Variants in CUX2 observed in about 807,000 individuals in gnomAD.
The protein encoded by CUX2 is cut like homeobox 2, also known as homeobox protein cut-like 2.
A neutral mutation model predicts 144.8 loss-of-function variants in CUX2; 40 were observed. The ratio of observed to expected loss-of-function variants is 0.28; its 90% confidence interval spans 0.21 to 0.36. The LOEUF is 0.36. Ranked by LOEUF, CUX2 falls within the 10% of genes least tolerant of loss-of-function variation. The pLI, the probability that CUX2 is intolerant of heterozygous loss-of-function variation, is 1.00. For synonymous variants in CUX2, 827 were observed against 875.6 expected (o/e 0.94, Z 0.98); for missense variants, 1,615 against 1,994.0 (o/e 0.81, Z 3.62).
chr12:111,217,804 C>A, intron 2 of CUX2, 86 bp from the exon 3 acceptor site: 1 of 1,393,134 alleles, frequency 7.2e-7, no homozygotes, highest in Non-Finnish European at 1.0e-6. Context: ...AAATGCTGAG[C>A]CAGGGACAGC....
At position 111,289,048 on chromosome 12, in the gene CUX2, G is replaced by T. The variant is rs1390302433; in HGVS notation, c.302-2370G>T. Among the ~76,000 whole-genome samples, 1 of 152,040 alleles carries T rather than the reference G, an allele frequency of 6.6e-6. No individual in the cohort carries two copies. Among genetic ancestry groups the T allele is most frequent in the East Asian group, 1.9e-4 (1 of 5,174 alleles). On this transcript the variant is annotated intron_variant, in intron 4 of 21. Transcript: ENST00000261726. This position sits in a 1 kb window ranked among gnomAD's most constrained non-coding sequence, Gnocchi z 4.1. The stretch of plus-strand genomic sequence containing the variant: ...TGAGTCAGGAACATAGCTTGAACAT[G>T]GGAGGCAGAGATTGCAATGAGCTGA...
At chr12:111,323,496 T>A (rs1293524192) in intron 18 of CUX2, among the ~76,000 whole-genome samples, 1 of 152,156 alleles carries the variant, frequency 6.6e-6, no homozygotes, top group African/African-American at 2.4e-5. Flanking sequence ...CATTAATATT[T>A]AAAAAGAGGC....
chr12:111,095,712 G>A (rs1872775358), intron 1 of CUX2, among the ~76,000 whole-genome samples: 1 of 152,188 alleles, frequency 6.6e-6, no homozygotes, highest in Admixed American at 6.5e-5. Context: ...CTCAGTGTGT[G>A]AGTTATAGCT....
chr12:111,063,345 C>G (rs563772593), intron 1 of CUX2, among the ~76,000 whole-genome samples: 16 of 152,356 alleles, frequency 1.1e-4, no homozygotes, highest in African/African-American at 3.6e-4. Context: ...CCCCTCCCCC[C>G]ACCACCCTGC....
chr12:111,097,482 C>T (rs576576585), intron 1 of CUX2, among the ~76,000 whole-genome samples: 3 of 152,272 alleles, frequency 2.0e-5, no homozygotes, highest in South Asian at 2.1e-4. Context: ...GCAACAAATA[C>T]GAGAGCTTAG....
chr12:111,335,495 C>G (rs1888312465), intron 19 of CUX2, among the ~76,000 whole-genome samples: 1 of 151,668 alleles, frequency 6.6e-6, no homozygotes, highest in South Asian at 2.1e-4. Context: ...CGAATCACCT[C>G]AGGTCAGGAG....
intron 1 of CUX2, among the ~76,000 whole-genome samples, chr12:111,136,841 A>G (rs1416793707): frequency 6.6e-6 from 1 of 152,230 alleles, no homozygotes; most frequent in Admixed American, 6.5e-5. Context: ...AAGTCAGTGC[A>G]GGAACTTACA....
At chr12:111,308,550 G>A in intron 14 of CUX2, 24 bp downstream of exon 14, 1 of 1,586,194 alleles carries the variant, frequency 6.3e-7, no homozygotes, top group East Asian at 2.3e-5. Context: ...ATACTCTGGG[G>A]CTGAGGGCTG....
chr12:111,046,761 A>G (rs1259806514), intron 1 of CUX2, among the ~76,000 whole-genome samples: 1 of 152,134 alleles, frequency 6.6e-6, no homozygotes, highest in African/African-American at 2.4e-5. Flanking sequence ...GGTTCAAGCA[A>G]TTCGCCTGCC....
At chr12:111,318,443 C>T (rs939669666) in intron 16 of CUX2, among the ~76,000 whole-genome samples, 1 of 150,874 alleles carries the variant, frequency 6.6e-6, no homozygotes, top group Non-Finnish European at 1.5e-5. Context: ...ACAAAGGGCA[C>T]GGTAGCTCAT....
At chr12:111,227,725 C>A (rs905436366) in intron 3 of CUX2, among the ~76,000 whole-genome samples, 2 of 152,112 alleles carry the variant, frequency 1.3e-5, no homozygotes, top group Non-Finnish European at 2.9e-5. Flanking sequence ...AGAGGGCACA[C>A]CCCCACCCCA....
At chr12:111,062,697 G>A (rs1289908611) in intron 1 of CUX2, among the ~76,000 whole-genome samples, 1 of 152,236 alleles carries the variant, frequency 6.6e-6, no homozygotes, top group Non-Finnish European at 1.5e-5. Flanking sequence ...TGCAAGCCCA[G>A]CTAAGGGCTG....
rs973838734 is a variant in CUX2, at chr12:111,171,773, T to TC, written c.64-42424dup. Among the ~76,000 whole-genome samples the TC allele has an allele frequency of 1.2e-4, 18 of 152,180 alleles. No homozygotes were observed. The highest frequency in any genetic ancestry group is 2.9e-5 in the Non-Finnish European group (2 of 68,026). ...AAGAATGGCAGGGTCCCTTTTCGCC[T>TC]CCCGGGGAAGGAGCCGGAGAGAAGG... On this transcript the variant is annotated intron_variant, in intron 1 of 21. Transcript: ENST00000261726. The surrounding 1 kb of genome is among the most constrained non-coding windows in gnomAD (Gnocchi z 5.0).
chr12:111,088,244 T>A (rs1028421563), intron 1 of CUX2, among the ~76,000 whole-genome samples: 3 of 152,012 alleles, frequency 2.0e-5, no homozygotes, highest in Non-Finnish European at 4.4e-5. Flanking sequence ...CTGCTGTCAG[T>A]GTTGTAAAAT....
At chr12:111,301,570 T>C (rs1308620505) in intron 9 of CUX2, among the ~76,000 whole-genome samples, 4 of 151,688 alleles carry the variant, frequency 2.6e-5, no homozygotes, top group Non-Finnish European at 2.9e-5. Flanking sequence ...CAGACTGGAG[T>C]GCTGTGGCAA....
intron 3 of CUX2, among the ~76,000 whole-genome samples, chr12:111,243,027 A>G (rs1883106696): frequency 6.6e-6 from 1 of 152,194 alleles, no homozygotes; most frequent in Non-Finnish European, 1.5e-5. Flanking sequence ...TGCAAAGGAT[A>G]TGAACTCATC....
intron 3 of CUX2, among the ~76,000 whole-genome samples, chr12:111,243,494 G>GC: frequency 1.0e-5 from 1 of 100,382 alleles, no homozygotes; most frequent in African/African-American, 4.7e-5. Flanking sequence ...TGGTTGATGT[G>GC]CCTTTTTTTT....
At position 111,320,860 on chromosome 12, in the gene CUX2, A is replaced by G. The variant is rs929147891; in HGVS notation, c.2766+85A>G. ...ATGCCCACCCAAGCAGGCTGGCGGG[A>G]CCCCAGGGGCCCAGGCCCTTCATTC... is the stretch of plus-strand genomic sequence containing the variant. On this transcript the variant is annotated intron_variant, in intron 17 of 21. Transcript: ENST00000261726. The surrounding 1 kb of genome is among the most constrained non-coding windows in gnomAD (Gnocchi z 8.1). 10 of 1,353,852 alleles carry G rather than the reference A, an allele frequency of 7.4e-6. No individual in the cohort carries two copies. The highest frequency in any genetic ancestry group is 9.6e-6 in the Non-Finnish European group (10 of 1,043,926). The allele number at this position is 1,353,852 out of a possible 1,614,324, so 83.9% of individuals were successfully genotyped here. A position where few individuals can be genotyped will look rare whatever the true frequency, so the allele number is the denominator to read the frequency against.
intron 9 of CUX2, among the ~76,000 whole-genome samples, chr12:111,299,563 C>T (rs1454718627): frequency 6.6e-6 from 1 of 152,152 alleles, no homozygotes; most frequent in Non-Finnish European, 1.5e-5. Flanking sequence ...CTAGGAGGGT[C>T]GGGAAGGCCA....
Sources: gnomAD v4.1 joint callset for allele counts (sites outside exome capture counted in the v4.1 genomes callset) on GRCh38, gnomAD v4.1.1 for gene constraint, Gnocchi (gnomAD v3.1) non-coding constraint, MANE v1.5 for transcripts, NCBI Gene and HGNC (gene_info 2026-07-23, HGNC 2026-07-21) for gene names.